The following OR10J1 variants were observed in gnomAD, a reference collection of about 807,000 sequenced individuals.
OR10J1 encodes olfactory receptor 10J1.
For synonymous variants in OR10J1, 202 were observed against 143.8 expected, an observed-to-expected ratio of 1.40 and a Z score of -2.89; for missense variants, 474 against 376.6, an observed-to-expected ratio of 1.26 and a Z score of -2.14.
chr1:159,398,656 CAAG>C, the OR10J1 span, among the ~76,000 whole-genome samples: 4 of 151,642 alleles, frequency 2.6e-5, no homozygotes, highest in African/African-American at 7.3e-5. Flanking sequence ...CAGAATGGAT[CAAG>C]AAGAAGAGAG....
At chr1:159,404,568 C>T in the OR10J1 span, among the ~76,000 whole-genome samples, 2 of 152,076 alleles carry the variant, frequency 1.3e-5, no homozygotes, top group African/African-American at 2.4e-5. Context: ...ACAGAAATGT[C>T]TAGAGAAGAT....
At chr1:159,404,134 G>A in the OR10J1 span, among the ~76,000 whole-genome samples, 5 of 152,006 alleles carry the variant, frequency 3.3e-5, no homozygotes, top group African/African-American at 1.2e-4. Context: ...TGAGGGGGAG[G>A]TGGGGATTGT....
At chr1:159,425,821 T>A in the OR10J1 span, among the ~76,000 whole-genome samples, 1 of 151,982 alleles carries the variant, frequency 6.6e-6, no homozygotes, top group African/African-American at 2.4e-5. Flanking sequence ...AATCAAGAAA[T>A]ATCATTATGT....
chr1:159,406,110 A>G, the OR10J1 span: 1 of 444,864 alleles, frequency 2.2e-6, no homozygotes, highest in Non-Finnish European at 4.5e-6. Flanking sequence ...AGGATTCAAG[A>G]GGCGAGAAAG....
upstream of OR10J1, among the ~76,000 whole-genome samples, chr1:159,433,935 A>T (rs935075915): frequency 6.6e-6 from 1 of 152,240 alleles, no homozygotes; most frequent in Non-Finnish European, 1.5e-5. Flanking sequence ...GACTGCTGTG[A>T]GAAGCTAAAA....
chr1:159,416,854 C>T, the OR10J1 span, among the ~76,000 whole-genome samples: 1 of 151,764 alleles, frequency 6.6e-6, no homozygotes, highest in Non-Finnish European at 1.5e-5. Flanking sequence ...TCTAGGTTTC[C>T]TATTTGTTAG....
At chr1:159,412,771 G>A in the OR10J1 span, among the ~76,000 whole-genome samples, 2 of 151,624 alleles carry the variant, frequency 1.3e-5, no homozygotes, top group Non-Finnish European at 2.9e-5. Flanking sequence ...CAGGACATAG[G>A]GATGGGCAAG....
At chr1:159,412,582 G>A in the OR10J1 span, among the ~76,000 whole-genome samples, 1 of 149,212 alleles carries the variant, frequency 6.7e-6, no homozygotes, top group Non-Finnish European at 1.5e-5. Context: ...AACAAGCAAT[G>A]GGGAAAGGAT....
the OR10J1 span, among the ~76,000 whole-genome samples, chr1:159,411,656 T>C: frequency 6.6e-6 from 1 of 152,276 alleles, no homozygotes; most frequent in African/African-American, 2.4e-5. Flanking sequence ...TTATCCAATT[T>C]GCCAGTCTGT....
chr1:159,414,779 G>A, the OR10J1 span, among the ~76,000 whole-genome samples: 3 of 151,874 alleles, frequency 2.0e-5, no homozygotes, highest in Non-Finnish European at 4.4e-5. Flanking sequence ...TTCTAACCAG[G>A]GTAAGATGAT....
chr1:159,409,249 C>T, the OR10J1 span, among the ~76,000 whole-genome samples: 86 of 152,174 alleles, frequency 5.7e-4, 1 homozygote, highest in Non-Finnish European at 1.1e-3. Context: ...GAATCTTCTG[C>T]AGTAGTGTGA....
chr1:159,426,560 T>C, the OR10J1 span, among the ~76,000 whole-genome samples: 1 of 151,866 alleles, frequency 6.6e-6, no homozygotes, highest in Admixed American at 6.6e-5. Context: ...CTAAGATAAA[T>C]TGACAAACAC....
chr1:159,422,275 C>A, the OR10J1 span, among the ~76,000 whole-genome samples: 1,603 of 152,092 alleles, frequency 0.011, 29 homozygotes, highest in African/African-American at 0.036. Flanking sequence ...GATCCCTAGG[C>A]CCCCAGAAGA....
chr1:159,399,166 T>C, the OR10J1 span, among the ~76,000 whole-genome samples: 2 of 151,854 alleles, frequency 1.3e-5, no homozygotes, highest in African/African-American at 4.8e-5. Context: ...AAAAAAACTG[T>C]TAAGTCTAGA....
the OR10J1 span, among the ~76,000 whole-genome samples, chr1:159,412,143 C>A: frequency 6.6e-6 from 1 of 151,836 alleles, no homozygotes; most frequent in Admixed American, 6.6e-5. Flanking sequence ...ACGTGAAGGA[C>A]CTCTTCAAGG....
the OR10J1 span, among the ~76,000 whole-genome samples, chr1:159,426,825 C>A: frequency 6.6e-6 from 1 of 151,810 alleles, no homozygotes; most frequent in East Asian, 1.9e-4. Context: ...TCTCCATTAA[C>A]CTTCAAAGAT....
chr1:159,414,347 A>T, the OR10J1 span, among the ~76,000 whole-genome samples: 1 of 151,762 alleles, frequency 6.6e-6, no homozygotes, highest in Non-Finnish European at 1.5e-5. Flanking sequence ...GACATGTAAA[A>T]TTTTTCTTTT....
chr1:159,418,113 C>A, the OR10J1 span, among the ~76,000 whole-genome samples: 49 of 152,198 alleles, frequency 3.2e-4, no homozygotes, highest in South Asian at 9.8e-3. Flanking sequence ...AGGGAAGCAA[C>A]ATAAAAGTTC....
the OR10J1 span, among the ~76,000 whole-genome samples, chr1:159,423,305 G>A: frequency 6.6e-6 from 1 of 152,062 alleles, no homozygotes; most frequent in Admixed American, 6.5e-5. Context: ...TGGTTTACAT[G>A]CTTGAATTGA....
Sources: gnomAD v4.1 joint callset for allele counts (sites outside exome capture counted in the v4.1 genomes callset) on GRCh38, gnomAD v4.1.1 for gene constraint, MANE v1.5 for transcripts, NCBI Gene and HGNC (gene_info 2026-07-23, HGNC 2026-07-21) for gene names.